The following LMTK2 variants were observed in gnomAD, a reference collection of about 807,000 sequenced individuals.
The protein encoded by LMTK2 is serine/threonine-protein kinase LMTK2.
A neutral mutation model predicts 127.5 loss-of-function variants in LMTK2; 37 were observed. The observed-to-expected ratio is 0.29, with a 90% CI of 0.22 to 0.38. The LOEUF (loss-of-function observed/expected upper bound fraction) is 0.38, where lower values mean the gene tolerates loss of function less well. Ranked by LOEUF, LMTK2 falls within the 10% of genes least tolerant of loss-of-function variation. The probability of loss-of-function intolerance (pLI) is 1.00; values close to 1 mark genes in which losing one functional copy is unlikely to be tolerated. For missense variants in LMTK2, 1,694 were observed against 1,920.3 expected (o/e 0.88, Z 2.20); for synonymous variants, 819 against 810.1 (o/e 1.01, Z -0.19).
At position 98,194,428 on chromosome 7, in the gene LMTK2, C is replaced by T; in HGVS notation, c.3963C>T (p.Ile1321=). ...AGACCGAGCACCCCGTGCCCATCAT[C>T]CTCAGCAACGAGGACGGAAGGCACC... ...EDETEHPVPI[I]LSNEDGRHLR... The change falls in exon 11 of 14, where the codon ATC becomes ATT. Residue 1321 remains isoleucine, a synonymous_variant. Transcript: ENST00000297293. This position sits in a 1 kb window ranked among gnomAD's most constrained non-coding sequence, Gnocchi z 5.4. 8 of 1,614,168 alleles carry T rather than the reference C, an allele frequency of 5.0e-6. No homozygotes were observed. The highest frequency in any genetic ancestry group is 6.8e-6 in the Non-Finnish European group (8 of 1,180,050).
At chr7:98,170,539 T>C (rs1020159177) in intron 6 of LMTK2, among the ~76,000 whole-genome samples, 38 of 152,118 alleles carry the variant, frequency 2.5e-4, no homozygotes, top group African/African-American at 9.2e-4. Flanking sequence ...GAGTCTTTTT[T>C]TTTTTTCTTT....
In LMTK2 at chr7:98,187,595, T is replaced by TTTGTTGTTG. The variant is rs201762640; in HGVS notation, c.998+615_998+623dup. 3.3e-5 allele frequency among the ~76,000 whole-genome samples: 5 copies of TTTGTTGTTG among 151,808 alleles called. No homozygotes were observed. In the South Asian group the frequency reaches 8.3e-4, roughly 25 times the overall value. On this transcript the variant is annotated intron_variant, in intron 9 of 13. Coordinates refer to ENST00000297293, the MANE Select transcript of LMTK2 (RefSeq NM_014916.4). ...GGGTACAGTGATATATATATATGTT[T>TTTGTTGTTG]TTGTTGTTGTTGTTGTTGTTGTTGT...
At chr7:98,164,779 G>C (rs563174444) in intron 6 of LMTK2, among the ~76,000 whole-genome samples, 2 of 152,290 alleles carry the variant, frequency 1.3e-5, no homozygotes, top group African/African-American at 4.8e-5. Flanking sequence ...GCACGCTGGA[G>C]ACCAGGCTGC....
Position 98,107,219 on chromosome 7 carries a change from GCT to G in LMTK2, c.43_44del (p.Leu15AlafsTer55). 4 of 1,464,982 alleles carry G rather than the reference GCT, an allele frequency of 2.7e-6. No homozygotes were observed. The highest frequency in any genetic ancestry group is 2.5e-5 in the Admixed American group (1 of 40,200). 90.7% of individuals were successfully genotyped at this position (1,464,982 alleles called of 1,614,324 possible). ...CGTTGCGGCGGAGGCTGCTGCTGCT[GCT>G]GCTGGTCCTCCTGATCGCCGGCAGT... Reference protein sequence around the residue: ...PALRRRLLLLLLVLLIAGSAG... With the variant: ...PALRRRLLLLXLVLLIAGSAG... On this transcript the variant is annotated frameshift_variant, in exon 1 of 14. Transcript: ENST00000297293. LOFTEE classifies it high-confidence loss of function.
chr7:98,154,343 T>C (rs1196882987), intron 4 of LMTK2, among the ~76,000 whole-genome samples: 1 of 152,236 alleles, frequency 6.6e-6, no homozygotes, highest in East Asian at 1.9e-4. Flanking sequence ...TTCTCATATG[T>C]ATAGCAGACT....
intron 4 of LMTK2, among the ~76,000 whole-genome samples, chr7:98,152,409 C>A (rs1260754678): frequency 6.6e-6 from 1 of 152,206 alleles, no homozygotes; most frequent in Non-Finnish European, 1.5e-5. Flanking sequence ...TTCCCTTCAG[C>A]GTTGTCTGTA....
At chr7:98,124,795 AT>A (rs1187271890) in intron 1 of LMTK2, among the ~76,000 whole-genome samples, 1 of 149,248 alleles carries the variant, frequency 6.7e-6, no homozygotes, top group Non-Finnish European at 1.5e-5. Context: ...TAAAAAAAAA[AT>A]AATAATAACA....
intron 5 of LMTK2, among the ~76,000 whole-genome samples, chr7:98,158,643 T>G (rs1796966532): frequency 6.6e-6 from 1 of 152,194 alleles, no homozygotes; most frequent in African/African-American, 2.4e-5. Flanking sequence ...AGTATAACAG[T>G]TTTTTACATA....
At chr7:98,169,209 A>C (rs961159239) in intron 6 of LMTK2, among the ~76,000 whole-genome samples, 1 of 152,226 alleles carries the variant, frequency 6.6e-6, no homozygotes, top group African/African-American at 2.4e-5. Flanking sequence ...GGCCTCCAGT[A>C]ATCTTTGATG....
chr7:98,133,792 A>G (rs1880303), intron 1 of LMTK2, among the ~76,000 whole-genome samples: 150,721 of 152,252 alleles, frequency 0.99, 74,625 homozygotes, highest in Middle Eastern at 1. Flanking sequence ...TACTCTTCAT[A>G]CCTATCTAGT....
chr7:98,190,955 C>A, intron 10 of LMTK2, 78 bp downstream of exon 10: 1 of 1,360,074 alleles, frequency 7.4e-7, no homozygotes, highest in Non-Finnish European at 1.0e-6. Context: ...AATTCGTGGG[C>A]CAAATATTAT....
At chr7:98,119,343 A>G (rs907988543) in intron 1 of LMTK2, among the ~76,000 whole-genome samples, 15 of 152,162 alleles carry the variant, frequency 9.9e-5, no homozygotes, top group African/African-American at 3.6e-4. Flanking sequence ...ATTCCATTTG[A>G]TTAAAAACTT....
chr7:98,184,875 T>G (rs1052360145), intron 7 of LMTK2, among the ~76,000 whole-genome samples, 176 bp from the exon 8 acceptor site: 11 of 152,220 alleles, frequency 7.2e-5, no homozygotes, highest in African/African-American at 2.7e-4. Context: ...TTTAAGTGAT[T>G]GATGACATAT....
chr7:98,193,766 C>T lies in LMTK2; in HGVS notation c.3301C>T (p.Arg1101Ter), dbSNP rs1187458967. 1.9e-6 allele frequency: 3 copies of T among 1,613,914 alleles called. No individual in the cohort carries two copies. Among genetic ancestry groups the T allele is most frequent in the Non-Finnish European group, 2.5e-6 (3 of 1,179,998 alleles). Residue 1101 changes from arginine (R) to a stop codon, truncating the protein, a stop_gained, in exon 11 of 14, where the codon CGA (arginine) becomes TGA (stop). Transcript: ENST00000297293. LOFTEE classifies it high-confidence loss of function. This position sits in a 1 kb window ranked among gnomAD's most constrained non-coding sequence, Gnocchi z 4.1. The part of the protein sequence containing the change: ...TFTAGSQGSY[R>*]DSAYFSDNDS... ...CACAGCTGGCTCCCAGGGTTCATAC[C>T]GAGACTCTGCGTACTTCTCAGACAA...
chr7:98,192,936 A>T lies in LMTK2; in HGVS notation c.2471A>T (p.Glu824Val), dbSNP rs748454485. ...CCTCCTACCTCCTTCGAAACAGAAG[A>T]AACGCCCCGTCGGGTACCCCCAGAC... ...QVPPTSFETE[E>V]TPRRVPPDSL... The change falls in exon 11 of 14, where the codon GAA (glutamate) becomes GTA (valine). Residue 824 changes from glutamate to valine, a missense_variant. Around this residue, in one of 8 missense-constraint regions of LMTK2, gnomAD observed 527 missense variants for 539.8 expected, o/e 0.98. Transcript: ENST00000297293. 3 of 1,614,132 alleles carry T rather than the reference A, an allele frequency of 1.9e-6. No homozygotes were observed. Among genetic ancestry groups the T allele is most frequent in the Non-Finnish European group, 2.5e-6 (3 of 1,180,032 alleles).
chr7:98,151,343 GA>G, intron 3 of LMTK2, 38 bp from the exon 4 acceptor site: 1 of 1,341,928 alleles, frequency 7.5e-7, no homozygotes, highest in South Asian at 1.2e-5. Context: ...TTAATATTTA[GA>G]TACTTATATT....
Position 98,205,618 on chromosome 7 carries a change from G to T in LMTK2, c.*126G>T. On this transcript the variant is annotated 3_prime_UTR_variant, in exon 14 of 14. Transcript: ENST00000297293. ...ATGAGATTGGGAGGAAGAATCCAGA[G>T]GTGAAGAGGGAGACGGCTCTTAGCT... 9.6e-7 allele frequency: 1 copy of T among 1,038,268 alleles called. No individual in the cohort carries two copies. The allele number at this position is 1,038,268 out of a possible 1,614,324, so 64.3% of individuals were successfully genotyped here. A position where few individuals can be genotyped will look rare whatever the true frequency, so the allele number is the denominator to read the frequency against.
In LMTK2 at chr7:98,194,003, C is replaced by T. The variant is rs764430868; in HGVS notation, c.3538C>T (p.Pro1180Ser). 6.2e-7 allele frequency: 1 copy of T among 1,614,004 alleles called. No individual in the cohort carries two copies. Among genetic ancestry groups the T allele is most frequent in the African/African-American group, 1.3e-5 (1 of 74,940 alleles). Residue 1180 changes from proline (P) to serine (S), a missense_variant, in exon 11 of 14, where the codon CCG (proline) becomes TCG (serine). Around this residue, in one of 8 missense-constraint regions of LMTK2, gnomAD observed 554 missense variants for 567.7 expected, o/e 0.98. Coordinates refer to ENST00000297293, the MANE Select transcript of LMTK2 (RefSeq NM_014916.4). This position sits in a 1 kb window ranked among gnomAD's most constrained non-coding sequence, Gnocchi z 5.4. ...NSSDLELRAT[P>S]EPAQTGVPQQ... ...CAGTGACCTGGAATTAAGAGCCACG[C>T]CGGAGCCAGCACAGACTGGTGTTCC...
At chr7:98,144,709 T>C (rs1474558504) in intron 3 of LMTK2, among the ~76,000 whole-genome samples, 2 of 152,036 alleles carry the variant, frequency 1.3e-5, no homozygotes, top group African/African-American at 2.4e-5. Flanking sequence ...TACAGACATA[T>C]CTATTATGTC....
Sources: allele counts gnomAD v4.1 joint callset (sites outside exome capture counted in the v4.1 genomes callset), GRCh38; gene constraint gnomAD v4.1.1; regional missense constraint gnomAD v4.1.1; non-coding constraint Gnocchi (gnomAD v3.1); transcripts MANE v1.5; gene names NCBI Gene and HGNC (gene_info 2026-07-23, HGNC 2026-07-21).